Variants in DNAH8 observed in about 807,000 individuals in gnomAD.
DNAH8 encodes dynein axonemal heavy chain 8, also known as axonemal beta dynein heavy chain 8.
In DNAH8, 382 loss-of-function variants were observed where a neutral mutation model predicts 562.1. The ratio of observed to expected loss-of-function variants is 0.68; its 90% CI spans 0.63 to 0.74. The LOEUF is 0.74. Ranked by LOEUF, DNAH8 falls within the 30% of genes least tolerant of loss-of-function variation. The pLI is 0.00. For missense variants in DNAH8, 5,203 were observed against 5,620.4 expected, an observed-to-expected ratio of 0.93 and a Z score of 2.37; for synonymous variants, 1,881 against 1,919.4, an observed-to-expected ratio of 0.98 and a Z score of 0.52.
At chr6:38,892,457 G>A (rs1779401503) in intron 58 of DNAH8, among the ~76,000 whole-genome samples, 1 of 152,088 alleles carries the variant, frequency 6.6e-6, no homozygotes. Flanking sequence ...TGCTTCTTAG[G>A]TTAAAATTAC....
At chr6:38,722,655 T>C (rs1334200812) in intron 1 of DNAH8, 121 bp from the exon 2 acceptor site, 3 of 797,308 alleles carry the variant, frequency 3.8e-6, no homozygotes, top group African/African-American at 1.7e-5. Flanking sequence ...TAAGCTTCCT[T>C]AGATAATATG....
intron 67 of DNAH8, among the ~76,000 whole-genome samples, chr6:38,914,797 G>A (rs1781178754): frequency 6.6e-6 from 1 of 152,128 alleles, no homozygotes; most frequent in African/African-American, 2.4e-5. Context: ...AGGCACTTAA[G>A]CATAGTCCTG....
intron 79 of DNAH8, among the ~76,000 whole-genome samples, chr6:38,943,092 G>A (rs1214922603): frequency 6.6e-6 from 1 of 152,238 alleles, no homozygotes; most frequent in Non-Finnish European, 1.5e-5. Context: ...GAGTCAGTGA[G>A]AGGAGTTTGG....
chr6:38,746,865 G>C (rs2127591712), intron 8 of DNAH8, among the ~76,000 whole-genome samples: 1 of 152,002 alleles, frequency 6.6e-6, no homozygotes. Context: ...GGAGGTAGAG[G>C]TTGCAGTGAG....
chr6:38,912,604 A>T (rs1259514150), intron 66 of DNAH8, among the ~76,000 whole-genome samples: 1 of 152,188 alleles, frequency 6.6e-6, no homozygotes, highest in African/African-American at 2.4e-5. Context: ...CAGCTTTCCT[A>T]TATGATGCTT....
chr6:38,816,042 TTTTTA>T lies in DNAH8; in HGVS notation c.3523+400_3523+404del, dbSNP rs1350454973. Among the ~76,000 whole-genome samples, 70 of 147,546 alleles carry T rather than the reference TTTTTA, an allele frequency of 4.7e-4. 2 individuals are homozygous for T. The highest frequency in any genetic ancestry group is 1.8e-3 in the Admixed American group (26 of 14,492). On this transcript the variant is annotated intron_variant, in intron 26 of 92. Transcript: ENST00000327475. Reference sequence around the variant, plus strand: ...CCTGTATAGAAAGAAACTGGTTTCTTTTTTATTTTATTTTATTTTGTTTTATTTTA... The same window carrying T: ...CCTGTATAGAAAGAAACTGGTTTCTTTTTTATTTTATTTTGTTTTATTTTA...
At chr6:39,001,780 A>G (rs11962544) in intron 88 of DNAH8, among the ~76,000 whole-genome samples, 1,856 of 152,316 alleles carry the variant, frequency 0.012, 34 homozygotes, top group Middle Eastern at 0.061. Flanking sequence ...TTCAAATGTC[A>G]AAACTTACCT....
chr6:38,867,905 G>A (rs1169633648), intron 47 of DNAH8, among the ~76,000 whole-genome samples, 157 bp from the exon 48 acceptor site: 7 of 152,154 alleles, frequency 4.6e-5, no homozygotes, highest in African/African-American at 1.7e-4. Context: ...TCAGTCAAAG[G>A]AAAGGCAGGA....
intron 28 of DNAH8, among the ~76,000 whole-genome samples, chr6:38,825,182 T>C (rs1042999068): frequency 6.6e-6 from 1 of 152,142 alleles, no homozygotes; most frequent in African/African-American, 2.4e-5. Context: ...GGGGATCTCA[T>C]GAGATATGAT....
intron 53 of DNAH8, among the ~76,000 whole-genome samples, chr6:38,878,369 A>G (rs1466490850): frequency 2.0e-5 from 3 of 152,212 alleles, no homozygotes; most frequent in Non-Finnish European, 4.4e-5. Flanking sequence ...CTTTACTAGA[A>G]AAGAAGAAAG....
rs775927513 is a variant in DNAH8, at chr6:38,832,393, T to C, written c.4260T>C (p.Val1420=). The change falls in exon 31 of 93, where the codon GTT becomes GTC. Residue 1420 remains valine, a synonymous_variant. Transcript: ENST00000327475. ...FKSNLLESVE[V]FREDVINFAE... ...GCAATCTACTTGAGTCTGTGGAAGT[T>C]TTTCGTGAGGACGTGATAAACTTTG... 1.9e-6 allele frequency: 3 copies of C among 1,613,728 alleles called. No homozygotes were observed. In the East Asian group the frequency reaches 6.7e-5, roughly 36 times the overall value.
Position 38,845,632 on chromosome 6 carries a change from T to A in DNAH8, c.4904T>A (p.Ile1635Asn), listed in dbSNP as rs1239141018. Residue 1635 changes from isoleucine to asparagine, a missense_variant, in exon 36 of 93, where the codon ATT becomes AAT. Transcript: ENST00000327475. ...ATCGAAGCCAAGCTGACTCAGGTGA[T>A]TGAGAATTGGACCAACCAAAATCTG... ...KDIEAKLTQV[I>N]ENWTNQNLSF... 6.2e-7 allele frequency: 1 copy of A among 1,613,976 alleles called. No homozygotes were observed. The highest frequency in any genetic ancestry group is 2.2e-5 in the East Asian group (1 of 44,856).
At chr6:38,999,996 C>T (rs1029314093) in intron 88 of DNAH8, among the ~76,000 whole-genome samples, 1 of 151,676 alleles carries the variant, frequency 6.6e-6, no homozygotes, top group African/African-American at 2.4e-5. Context: ...TAACAATATA[C>T]TATGTTTTTA....
intron 60 of DNAH8, among the ~76,000 whole-genome samples, chr6:38,897,469 A>G (rs1410095290): frequency 2.0e-5 from 3 of 152,234 alleles, no homozygotes; most frequent in Non-Finnish European, 4.4e-5. Context: ...TTTAACAGCA[A>G]CAACAATATT....
chr6:38,732,304 A>T (rs1352751024), intron 4 of DNAH8, among the ~76,000 whole-genome samples: 2 of 152,200 alleles, frequency 1.3e-5, no homozygotes, highest in African/African-American at 4.8e-5. Context: ...ATCAGACAGA[A>T]CTGTGTCACA....
intron 11 of DNAH8, among the ~76,000 whole-genome samples, chr6:38,764,933 C>G (rs547434806): frequency 1.3e-5 from 2 of 152,240 alleles, no homozygotes; most frequent in African/African-American, 2.4e-5. Context: ...CTCCCAGGTT[C>G]AAGCAATTCT....
intron 28 of DNAH8, 55 bp from the exon 29 acceptor site, chr6:38,826,101 T>TA: frequency 8.1e-7 from 1 of 1,230,230 alleles, no homozygotes; most frequent in East Asian, 2.5e-5. Context: ...TAGATGCCCT[T>TA]ATAGTTTCAG....
intron 82 of DNAH8, among the ~76,000 whole-genome samples, chr6:38,955,516 A>G (rs896259254): frequency 1.3e-5 from 2 of 152,030 alleles, no homozygotes; most frequent in Admixed American, 1.3e-4. Flanking sequence ...TTGTAATCCC[A>G]GTTACTCGGG....
At chr6:38,797,510 TCCCTTTCC>T (rs1770379640) in intron 21 of DNAH8, among the ~76,000 whole-genome samples, 1 of 152,162 alleles carries the variant, frequency 6.6e-6, no homozygotes, top group Non-Finnish European at 1.5e-5. Context: ...TCTCCCTCTC[TCCCTTTCC>T]CCTCCCCTGA....
Sources: gnomAD v4.1 joint callset for allele counts (sites outside exome capture counted in the v4.1 genomes callset) on GRCh38, gnomAD v4.1.1 for gene constraint, MANE v1.5 for transcripts, NCBI Gene and HGNC (gene_info 2026-07-23, HGNC 2026-07-21) for gene names.